FAM156A: variants seen among roughly 807,000 people sequenced by gnomAD.
FAM156A encodes protein FAM156A/FAM156B.
chrX:52,973,670 TTTA>T (rs1267173495), intron 1 of FAM156A, among the ~76,000 whole-genome samples: 1 of 111,776 alleles, frequency 8.9e-6, no homozygotes, highest in Non-Finnish European at 1.9e-5. Flanking sequence ...AGTACAAGAT[TTTA>T]TTTTTTGGAG....
intron 1 of FAM156A, among the ~76,000 whole-genome samples, chrX:52,975,379 C>A (rs782334331): frequency 4.5e-5 from 5 of 112,016 alleles, no homozygotes; most frequent in Non-Finnish European, 9.4e-5. Context: ...CCCGCACACA[C>A]CTCAGGCCAG....
chrX:52,986,269 G>GA (rs781956805), intron 1 of FAM156A, among the ~76,000 whole-genome samples: 5,726 of 102,830 alleles, frequency 0.056, 203 homozygotes, highest in African/African-American at 0.12. Flanking sequence ...AATCACTGCA[G>GA]AAAAAAAAAA....
chrX:52,982,159 A>G (rs1469783942), intron 1 of FAM156A, among the ~76,000 whole-genome samples: 2 of 112,219 alleles, frequency 1.8e-5, no homozygotes, highest in African/African-American at 3.2e-5. Context: ...TTAAAAACTT[A>G]TATTTTTTAA....
At chrX:52,985,242 A>T (rs888585236) in intron 1 of FAM156A, among the ~76,000 whole-genome samples, 2 of 111,585 alleles carry the variant, frequency 1.8e-5, no homozygotes, top group Non-Finnish European at 3.8e-5. Context: ...AAGGAATAAG[A>T]GAAAGTAAAC....
intron 1 of FAM156A, among the ~76,000 whole-genome samples, chrX:52,980,780 C>CTGTGTGTGTG (rs1569204366): frequency 3.2e-5 from 2 of 61,833 alleles, no homozygotes; most frequent in Non-Finnish European, 6.0e-5. Flanking sequence ...GTTAGGGTTC[C>CTGTGTGTGTG]TCTGTGTGTG....
intron 1 of FAM156A, among the ~76,000 whole-genome samples, chrX:52,988,253 AAAAAG>A (rs781811932): frequency 1.4e-3 from 151 of 110,352 alleles, no homozygotes; most frequent in Non-Finnish European, 1.7e-3. Context: ...CTCAAAAAAA[AAAAAG>A]AAAAGAAAAG....
Position 52,993,588 on chromosome X carries a change from T to C in FAM156A, c.-434+1718A>G, listed in dbSNP as rs189477192. On this transcript the variant is annotated intron_variant, in intron 1 of 4. Transcript: ENST00000610625. ...TGCCACCACGCCTGGCTAATTTTTGTATTTTCAGTAGAGACGGGGTTTCAT... is the reference window on the plus strand; with the variant it reads ...TGCCACCACGCCTGGCTAATTTTTGCATTTTCAGTAGAGACGGGGTTTCAT... Among the ~76,000 whole-genome samples, 351 of 109,772 alleles carry C rather than the reference T, an allele frequency of 3.2e-3. 1 individual carries two copies. The highest frequency in any genetic ancestry group is 0.011 in the African/African-American group (339 of 30,133).
chrX:52,980,782 C>CTGTGTGTGTGTGTGTGTG lies in FAM156A; in HGVS notation c.-434+14506_-434+14523dup, dbSNP rs1156303085. ...AAGCAGCCTTTTGGTTAGGGTTCCT[C>CTGTGTGTGTGTGTGTGTG]TGTGTGTGTGTGTGTGTGTGTGTGT... On this transcript the variant is annotated intron_variant, in intron 1 of 4. Coordinates refer to the FAM156A transcript ENST00000610625. 7.8e-5 allele frequency among the ~76,000 whole-genome samples: 3 copies of CTGTGTGTGTGTGTGTGTG among 38,461 alleles called. No individual in the cohort carries two copies. The Admixed American group carries it at 9.4e-4, about 12-fold the overall frequency. The allele number at this position is 38,461 out of a possible 115,157, so 33.4% of individuals were successfully genotyped here. A position where few individuals can be genotyped will look rare whatever the true frequency, so the allele number is the denominator to read the frequency against.
At chrX:52,981,722 C>G (rs1929925952) in intron 1 of FAM156A, among the ~76,000 whole-genome samples, 1 of 111,563 alleles carries the variant, frequency 9.0e-6, no homozygotes. Flanking sequence ...CTGGGTTGCC[C>G]CTACTGTCCC....
At chrX:52,976,652 T>C (rs1269231461) in intron 1 of FAM156A, among the ~76,000 whole-genome samples, 1 of 111,304 alleles carries the variant, frequency 9.0e-6, no homozygotes, top group East Asian at 2.8e-4. Context: ...TTTATAATAC[T>C]GCATCTGTTG....
chrX:52,976,483 A>G (rs782117483), intron 1 of FAM156A, among the ~76,000 whole-genome samples: 1 of 111,937 alleles, frequency 8.9e-6, no homozygotes, highest in South Asian at 3.7e-4. Flanking sequence ...CTGAGTAATA[A>G]TAAGGAAGAA....
chrX:52,973,959 C>T (rs1407901398), intron 1 of FAM156A, among the ~76,000 whole-genome samples: 2 of 110,584 alleles, frequency 1.8e-5, no homozygotes, highest in East Asian at 2.8e-4. Flanking sequence ...CCACGGGGCC[C>T]GGCTGATTTT....
intron 1 of FAM156A, among the ~76,000 whole-genome samples, chrX:52,993,410 T>TCTTTC (rs1228189359): frequency 4.2e-4 from 1 of 2,402 alleles, no homozygotes; most frequent in African/African-American, 4.4e-4. Context: ...TTAACTTTCT[T>TCTTTC]TTTTTTTTTT....
At chrX:52,982,028 T>G (rs1556793517) in intron 1 of FAM156A, among the ~76,000 whole-genome samples, 2 of 112,134 alleles carry the variant, frequency 1.8e-5, no homozygotes. Context: ...ATCATCTCAG[T>G]GGATCATGCC....
chrX:52,984,587 G>A (rs1930131321), intron 1 of FAM156A, among the ~76,000 whole-genome samples: 1 of 111,863 alleles, frequency 8.9e-6, no homozygotes, highest in African/African-American at 3.3e-5. Context: ...ACAAAAGCAG[G>A]CTGGGCACAG....
At chrX:52,977,473 A>G (rs1398124160) in intron 1 of FAM156A, among the ~76,000 whole-genome samples, 2 of 111,462 alleles carry the variant, frequency 1.8e-5, no homozygotes, top group African/African-American at 6.5e-5. Flanking sequence ...TCTCACTCCC[A>G]TTGCCCAGGC....
At position 52,994,319 on chromosome X, in the gene FAM156A, CAAATT is replaced by C. The variant is rs782140737; in HGVS notation, c.-434+982_-434+986del. 3.1e-3 allele frequency among the ~76,000 whole-genome samples: 345 copies of C among 109,903 alleles called. 2 individuals carry two copies. Among genetic ancestry groups the C allele is most frequent in the African/African-American group, 0.011 (333 of 30,137 alleles). On this transcript the variant is annotated intron_variant, in intron 1 of 4. Transcript: ENST00000610625. The stretch of plus-strand genomic sequence containing the variant: ...GACCAAAGTTCTCACTCCTGGGAAA[CAAATT>C]AAAACCATTCAGATATCTCACACCC...
chrX:52,987,731 G>C (rs782598985), intron 1 of FAM156A, among the ~76,000 whole-genome samples: 1 of 110,888 alleles, frequency 9.0e-6, no homozygotes, highest in Non-Finnish European at 1.9e-5. Flanking sequence ...AATGGTGTTG[G>C]AAACATTGGA....
Position 52,979,269 on chromosome X carries a change from G to A in FAM156A, c.-433-15034C>T, listed in dbSNP as rs782773530. Among the ~76,000 whole-genome samples the A allele has an allele frequency of 6.3e-5, 7 of 111,028 alleles. No homozygotes were observed. The South Asian group carries it at 2.7e-3, about 43-fold the overall frequency. On this transcript the variant is annotated intron_variant, in intron 1 of 4. Transcript: ENST00000610625. ...CAAATCCCTTCTCTTCATGGGCAGT[G>A]AATGAAGGGGTCCCAGGAAATGACC...
Sources: gnomAD v4.1 joint callset for allele counts (sites outside exome capture counted in the v4.1 genomes callset) on GRCh38, gnomAD v4.1.1 for gene constraint, MANE v1.5 for transcripts, NCBI Gene and HGNC (gene_info 2026-07-23, HGNC 2026-07-21) for gene names.